CIMIP2C: variants seen among roughly 807,000 people sequenced by gnomAD.
CIMIP2C encodes ciliary microtubule inner protein 2C, also known as UPF0573 protein C2orf70.
chr2:26,575,772 C>T, the CIMIP2C span: 2 of 1,146,268 alleles, frequency 1.7e-6, no homozygotes, highest in African/African-American at 1.5e-5. Context: ...GTTCTTCCCT[C>T]CTCAGCTTTC....
chr2:26,570,122 A>T, the CIMIP2C span, among the ~76,000 whole-genome samples: 2 of 152,216 alleles, frequency 1.3e-5, no homozygotes, highest in Non-Finnish European at 2.9e-5. Flanking sequence ...ACTCAGGAGG[A>T]TTGCGGAGGA....
At chr2:26,572,341 C>G in the CIMIP2C span, among the ~76,000 whole-genome samples, 1 of 123,350 alleles carries the variant, frequency 8.1e-6, no homozygotes, top group African/African-American at 3.0e-5. Context: ...CTCTACATTA[C>G]TGAGTTGGTT....
the CIMIP2C span, chr2:26,577,427 GC>G: frequency 7.9e-7 from 1 of 1,268,478 alleles, no homozygotes; most frequent in South Asian, 1.2e-5. Context: ...CCCCAACCCT[GC>G]CCAGGTGCAG....
the CIMIP2C span, chr2:26,579,014 C>A: frequency 1.9e-6 from 1 of 526,080 alleles, no homozygotes; most frequent in East Asian, 3.9e-5. Flanking sequence ...GGGATACCAC[C>A]ACTGGGCCAT....
the CIMIP2C span, chr2:26,576,079 G>A: frequency 6.2e-7 from 1 of 1,614,192 alleles, no homozygotes; most frequent in South Asian, 1.1e-5. Context: ...TGCTGATGGA[G>A]CGCGCCAGCA....
the CIMIP2C span, among the ~76,000 whole-genome samples, chr2:26,568,859 A>G: frequency 6.6e-6 from 1 of 152,042 alleles, no homozygotes; most frequent in Non-Finnish European, 1.5e-5. Context: ...CGTCTCTACT[A>G]AATGTACAAA....
the CIMIP2C span, among the ~76,000 whole-genome samples, chr2:26,566,954 C>A: frequency 0.016 from 2,439 of 152,302 alleles, 72 homozygotes; most frequent in African/African-American, 0.056. Context: ...AAGCCATTTG[C>A]CTGCCTCAGC....
the CIMIP2C span, among the ~76,000 whole-genome samples, chr2:26,567,040 T>C: frequency 6.6e-6 from 1 of 152,222 alleles, no homozygotes; most frequent in Admixed American, 6.5e-5. Flanking sequence ...GGAATATAAT[T>C]TGATATTGAA....
chr2:26,579,303 G>A, the CIMIP2C span: 2 of 1,614,026 alleles, frequency 1.2e-6, no homozygotes, highest in East Asian at 4.5e-5. Flanking sequence ...GGCCTCCTCT[G>A]TGCCCAAAGA....
the CIMIP2C span, among the ~76,000 whole-genome samples, chr2:26,569,842 G>A: frequency 2.6e-5 from 4 of 152,152 alleles, no homozygotes; most frequent in Admixed American, 1.3e-4. Context: ...GCTGCCACTC[G>A]ATGCCCTGTT....
At chr2:26,577,436 C>A in the CIMIP2C span, 1 of 1,309,932 alleles carries the variant, frequency 7.6e-7, no homozygotes, top group Non-Finnish European at 1.1e-6. Flanking sequence ...TGCCCAGGTG[C>A]AGCGAGGCAT....
the CIMIP2C span, chr2:26,579,368 T>C: frequency 6.2e-7 from 1 of 1,613,658 alleles, no homozygotes; most frequent in Middle Eastern, 1.6e-4. Context: ...TACCAGACCT[T>C]CCCATCAGGG....
the CIMIP2C span, among the ~76,000 whole-genome samples, chr2:26,565,032 TCTCCTTCTC>T: frequency 1.5e-5 from 2 of 133,524 alleles, no homozygotes; most frequent in South Asian, 4.6e-4. Context: ...TTCTTCTTCT[TCTCCTTCTC>T]CTTCTCCTTC....
chr2:26,572,460 A>G, the CIMIP2C span, among the ~76,000 whole-genome samples: 1 of 151,618 alleles, frequency 6.6e-6, no homozygotes, highest in East Asian at 1.9e-4. Context: ...CTTTCATGCT[A>G]GGAAAGGGTG....
At chr2:26,577,299 C>T in the CIMIP2C span, among the ~76,000 whole-genome samples, 1 of 152,162 alleles carries the variant, frequency 6.6e-6, no homozygotes, top group Non-Finnish European at 1.5e-5. Flanking sequence ...TGGTGGGTGT[C>T]GTTATTCCCA....
the CIMIP2C span, chr2:26,577,767 T>C: frequency 1.6e-6 from 1 of 641,558 alleles, no homozygotes; most frequent in Non-Finnish European, 2.7e-6. Flanking sequence ...CAGAGAGTGA[T>C]GGTTACAGAG....
the CIMIP2C span, among the ~76,000 whole-genome samples, chr2:26,571,073 C>G: frequency 6.6e-6 from 1 of 152,062 alleles, no homozygotes; most frequent in Non-Finnish European, 1.5e-5. Context: ...GGTGGCCCAG[C>G]CTTGTGTGGA....
the CIMIP2C span, among the ~76,000 whole-genome samples, chr2:26,574,862 G>A: frequency 1.3e-5 from 2 of 152,238 alleles, no homozygotes; most frequent in South Asian, 2.1e-4. Context: ...AGCAGCAAGA[G>A]CACAGGCGGC....
At chr2:26,572,066 A>T in the CIMIP2C span, 3 of 1,532,900 alleles carry the variant, frequency 2.0e-6, no homozygotes, top group East Asian at 2.5e-5. Context: ...CCATCAAAGG[A>T]CTAAAGCCAT....
Sources: gnomAD v4.1 joint callset for allele counts (sites outside exome capture counted in the v4.1 genomes callset) on GRCh38, gnomAD v4.1.1 for gene constraint, MANE v1.5 for transcripts, NCBI Gene and HGNC (gene_info 2026-07-23, HGNC 2026-07-21) for gene names.